The following ARFGEF2 variants were observed in gnomAD, a reference collection of about 807,000 sequenced individuals.
ARFGEF2 encodes the protein ARF guanine nucleotide exchange factor 2.
A neutral mutation model predicts 219.9 loss-of-function variants in ARFGEF2; 74 were observed. The observed-to-expected ratio is 0.34, with a 90% CI of 0.28 to 0.41. ARFGEF2 has a LOEUF of 0.41. Ranked by LOEUF, ARFGEF2 falls within the 10% of genes least tolerant of loss-of-function variation. The pLI, the probability that ARFGEF2 is intolerant of heterozygous loss-of-function variation, is 1.00. For missense variants in ARFGEF2, 1,743 were observed against 2,218.3 expected, an observed-to-expected ratio of 0.79 and a Z score of 4.30; for synonymous variants, 733 against 799.2, an observed-to-expected ratio of 0.92 and a Z score of 1.40.
intron 6 of ARFGEF2, among the ~76,000 whole-genome samples, chr20:48,961,861 C>CAA (rs757807266): frequency 2.0e-4 from 24 of 119,340 alleles, no homozygotes; most frequent in South Asian, 1.6e-3. Flanking sequence ...GAGACTCTCT[C>CAA]AAAAAAAAAA....
rs368359380 is a variant in ARFGEF2 at position 49,033,018 on chromosome 20, T to A, written c.5182-5T>A. 1 of 1,613,568 alleles carries A rather than the reference T, an allele frequency of 6.2e-7. No individual in the cohort carries two copies. Among genetic ancestry groups the A allele is most frequent in the South Asian group, 1.1e-5 (1 of 91,066 alleles). On this transcript the variant is annotated splice_polypyrimidine_tract_variant and splice_region_variant and intron_variant, in intron 38 of 38. Transcript: ENST00000371917. ...TAATTTTATCTGTTTCTCTCCCACC[T>A]CAAGTTCAAAGCACATGCTTCAATG... is the stretch of plus-strand genomic sequence containing the variant.
At position 49,016,420 on chromosome 20, in the gene ARFGEF2, T is replaced by G. The variant is rs753508291; in HGVS notation, c.4315+5T>G. The G allele has an allele frequency of 1.9e-5, 30 of 1,610,964 alleles. No individual in the cohort carries two copies. The highest frequency in any genetic ancestry group is 1.3e-4 in the Admixed American group (8 of 59,998). On this transcript the variant is annotated splice_donor_5th_base_variant and intron_variant, in intron 31 of 38. Coordinates refer to ENST00000371917, the MANE Select transcript of ARFGEF2 (RefSeq NM_006420.3). ...TGCAGTGGTGTGTCAAACAAGGTAC[T>G]CTTTAAGCCTCTAGGCATCATTTTT... is the stretch of plus-strand genomic sequence containing the variant.
In ARFGEF2 at chr20:49,017,281, T is replaced by G; in HGVS notation, c.4348T>G (p.Cys1450Gly). 6.2e-7 allele frequency: 1 copy of G among 1,614,014 alleles called. No homozygotes were observed. The highest frequency in any genetic ancestry group is 8.5e-7 in the Non-Finnish European group (1 of 1,179,944). Residue 1450 changes from cysteine (C) to glycine (G), a missense_variant, in exon 32 of 39, where the codon TGC becomes GGC. This residue lies in a region of ARFGEF2 where 578 missense variants were observed against 664.0 expected (regional missense o/e 0.87). Coordinates refer to ENST00000371917, the MANE Select transcript of ARFGEF2 (RefSeq NM_006420.3). ...NEQLARSGTN[C>G]LENLVISNGE... ...ACAGTTGGCGCGATCAGGTACAAAT[T>G]GCTTAGAAAACTTAGTAATATCCAA...
chr20:48,974,910 A>C (rs1376415973), intron 13 of ARFGEF2, 36 bp downstream of exon 13: 1 of 1,531,804 alleles, frequency 6.5e-7, no homozygotes, highest in Non-Finnish European at 9.0e-7. Context: ...ACCTCCATTC[A>C]TAATAGGCTC....
rs908468780 is a variant in ARFGEF2, at chr20:49,023,073, C to T, written c.4647C>T (p.Leu1549=). Residue 1549 remains leucine (L), a synonymous_variant, in exon 35 of 39, where the codon CTC becomes CTT. Coordinates refer to ENST00000371917, the MANE Select transcript of ARFGEF2 (RefSeq NM_006420.3). ...TAGATCAGAAACTGTTTGCCAGCCT[C>T]CTCATCAAGTGTGTGGTCCAGTTGG... ...PYANQKLFAS[L]LIKCVVQLEL... 31 of 1,614,080 alleles carry T rather than the reference C, an allele frequency of 1.9e-5. No homozygotes were observed. The highest frequency in any genetic ancestry group is 2.6e-5 in the Non-Finnish European group (31 of 1,180,038).
At chr20:49,018,747 C>A in intron 33 of ARFGEF2, 137 bp from the exon 34 acceptor site, 1 of 697,334 alleles carries the variant, frequency 1.4e-6, no homozygotes, top group Non-Finnish European at 2.7e-6. Context: ...CTACATTAAG[C>A]ATGTAGTATC....
At chr20:49,022,909 G>A in intron 34 of ARFGEF2, 142 bp from the exon 35 acceptor site, 2 of 1,146,790 alleles carry the variant, frequency 1.7e-6, no homozygotes, top group Non-Finnish European at 2.5e-6. Flanking sequence ...GAAACCAGGA[G>A]TTCAGGACCA....
chr20:48,971,470 A>T, intron 10 of ARFGEF2, 116 bp downstream of exon 10: 1 of 958,996 alleles, frequency 1.0e-6, no homozygotes, highest in Non-Finnish European at 1.6e-6. Flanking sequence ...AAAATGGTTC[A>T]TGAAAATGTT....
At chr20:48,927,675 G>A (rs866113376) in intron 1 of ARFGEF2, among the ~76,000 whole-genome samples, 2 of 150,786 alleles carry the variant, frequency 1.3e-5, no homozygotes, top group South Asian at 2.1e-4. Context: ...GCAACAGAGC[G>A]AGACTCTGTC....
chr20:48,965,367 T>C (rs1270559904), intron 7 of ARFGEF2, among the ~76,000 whole-genome samples: 2 of 152,276 alleles, frequency 1.3e-5, no homozygotes, highest in Non-Finnish European at 2.9e-5. Flanking sequence ...TCATCAGATA[T>C]GCTTTCCTTC....
In ARFGEF2 at chr20:48,951,448, G is replaced by A; in HGVS notation, c.402G>A (p.Gly134=). ...TTCAGGGCCCTCAGACTGATGAAGG[G>A]GTTCAGTTACAAATAATTAAGGTAT... ...SCFQGPQTDE[G]VQLQIIKALL... Residue 134 remains glycine, a synonymous_variant, in exon 4 of 39, where the codon GGG becomes GGA. Transcript: ENST00000371917. 1.2e-6 allele frequency: 2 copies of A among 1,614,088 alleles called. No homozygotes were observed. Among genetic ancestry groups the A allele is most frequent in the Non-Finnish European group, 1.7e-6 (2 of 1,180,018 alleles).
intron 6 of ARFGEF2, among the ~76,000 whole-genome samples, chr20:48,955,395 A>T (rs1600606387): frequency 6.6e-6 from 1 of 152,062 alleles, no homozygotes; most frequent in East Asian, 1.9e-4. Flanking sequence ...TTTTTTCCAT[A>T]GTACTTACAA....
At chr20:48,988,687 C>T (rs772289018) in intron 18 of ARFGEF2, 25 bp downstream of exon 18, 1 of 1,606,468 alleles carries the variant, frequency 6.2e-7, no homozygotes, top group African/African-American at 1.3e-5. Flanking sequence ...CAAATTATTT[C>T]TTTTAGTTCT....
rs112119331 is a variant in ARFGEF2, at chr20:49,017,188, G to A, written c.4316-61G>A. 27 of 1,563,534 alleles carry A rather than the reference G, an allele frequency of 1.7e-5. No homozygotes were observed. In the East Asian group the frequency reaches 5.9e-4, roughly 34 times the overall value. The stretch of plus-strand genomic sequence containing the variant: ...CCAACTCACAATATACAGTATTTGA[G>A]ACCTGGTTGGCATCAAAATAGCAGT... On this transcript the variant is annotated intron_variant, in intron 31 of 38. Transcript: ENST00000371917.
At chr20:48,950,334 G>A (rs2091057891) in intron 3 of ARFGEF2, among the ~76,000 whole-genome samples, 1 of 151,966 alleles carries the variant, frequency 6.6e-6, no homozygotes. Flanking sequence ...ACTACAGAGT[G>A]TCTTAGTCCC....
chr20:48,990,400 C>G (rs2091351119), intron 20 of ARFGEF2, among the ~76,000 whole-genome samples: 1 of 152,152 alleles, frequency 6.6e-6, no homozygotes, highest in African/African-American at 2.4e-5. Flanking sequence ...ACCTTTGAAA[C>G]TTGAAAAGTT....
At chr20:48,963,746 C>T (rs2091169092) in intron 6 of ARFGEF2, 84 bp from the exon 7 acceptor site, 6 of 1,356,474 alleles carry the variant, frequency 4.4e-6, no homozygotes, top group East Asian at 2.3e-5. Flanking sequence ...TGAAATGTAA[C>T]TCCCCATAAT....
chr20:48,923,566 T>TC (rs2090856982), intron 1 of ARFGEF2, among the ~76,000 whole-genome samples: 1 of 152,208 alleles, frequency 6.6e-6, no homozygotes, highest in Non-Finnish European at 1.5e-5. Context: ...GCTTTTCTCT[T>TC]CCAATAACCA....
At chr20:48,959,670 C>G (rs556363192) in intron 6 of ARFGEF2, among the ~76,000 whole-genome samples, 1 of 144,534 alleles carries the variant, frequency 6.9e-6, no homozygotes, top group East Asian at 2.1e-4. Flanking sequence ...AGTGCAGTGG[C>G]GCAATCTCAA....
Sources: gnomAD v4.1 joint callset for allele counts (sites outside exome capture counted in the v4.1 genomes callset) on GRCh38, gnomAD v4.1.1 for gene constraint, gnomAD v4.1.1 regional missense constraint, MANE v1.5 for transcripts, NCBI Gene and HGNC (gene_info 2026-07-23, HGNC 2026-07-21) for gene names.